OPRM1: variants seen among roughly 807,000 people sequenced by gnomAD.
OPRM1 encodes the protein opioid receptor mu 1.
OPRM1 carries 27 observed loss-of-function variants against 31.8 expected under a neutral mutation model. The ratio of observed to expected loss-of-function variants is 0.85; its 90% confidence interval spans 0.63 to 1.17. OPRM1 has a LOEUF of 1.17. Among genes scored for constraint, OPRM1 ranks in the 50% most tolerant of loss-of-function variants. OPRM1 has a pLI of 0.00. For synonymous variants in OPRM1, 196 were observed against 189.9 expected, an observed-to-expected ratio of 1.03 and a Z score of -0.26; for missense variants, 536 against 511.1, an observed-to-expected ratio of 1.05 and a Z score of -0.47.
rs138587359 is a variant in OPRM1, at chr6:154,127,673, A to C, written c.*8952A>C. On this transcript the variant is annotated 3_prime_UTR_variant, in exon 4 of 4. Transcript: ENST00000330432. Reference sequence around the variant, plus strand: ...TCTCTTCTCTCCATCATTTTGACTTAGAGCCAGTCAGAATTCAATCTCCAA... The same window carrying C: ...TCTCTTCTCTCCATCATTTTGACTTCGAGCCAGTCAGAATTCAATCTCCAA... 2.1e-3 allele frequency among the ~76,000 whole-genome samples: 327 copies of C among 152,302 alleles called. No individual in the cohort carries two copies. Among genetic ancestry groups the C allele is most frequent in the African/African-American group, 7.5e-3 (311 of 41,564 alleles).
At chr6:154,018,205 G>A (rs368326350) in intron 1 of OPRM1, among the ~76,000 whole-genome samples, 3 of 152,066 alleles carry the variant, frequency 2.0e-5, no homozygotes, top group Non-Finnish European at 2.9e-5. Context: ...GATCACTTGA[G>A]GTCAGGAGTT....
chr6:154,201,000 T>C (rs556768436), intron 3 of OPRM1, among the ~76,000 whole-genome samples: 67 of 152,298 alleles, frequency 4.4e-4, no homozygotes, highest in Non-Finnish European at 6.9e-4. Context: ...GTTCTCATGA[T>C]AGTGAGTGAG....
rs76230226 is a variant in OPRM1, at chr6:154,011,342, A to G, written c.-1+324A>G. Among the ~76,000 whole-genome samples the G allele has an allele frequency of 4.3e-4, 66 of 152,292 alleles. No individual in the cohort carries two copies. In the East Asian group the frequency reaches 0.012, roughly 27 times the overall value. On this transcript the variant is annotated intron_variant, in intron 1 of 5. Transcript: ENST00000434900. ...TTCTTAACTTTATCAGACAGTTGGC[A>G]GTTTGGACAACTTATAGAGAAATCT...
rs756777151 is a variant in OPRM1, at chr6:154,039,617, G to A, written c.73G>A (p.Ala25Thr). 2 of 1,613,898 alleles carry A rather than the reference G, an allele frequency of 1.2e-6. No homozygotes were observed. The highest frequency in any genetic ancestry group is 1.3e-5 in the African/African-American group (1 of 75,048). ...CTTGGCGTACTCAAGTTGCTCCCCA[G>A]CACCCAGCCCCGGTTCCTGGGTCAA... ...DALAYSSCSPAPSPGSWVNLS... is the reference protein window; with the variant it reads ...DALAYSSCSPTPSPGSWVNLS... Residue 25 changes from alanine (A) to threonine (T), a missense_variant, in exon 1 of 4, where the codon GCA becomes ACA. Coordinates refer to ENST00000330432, the MANE Select transcript of OPRM1 (RefSeq NM_000914.5).
At chr6:154,115,778 C>A (rs897621253) in intron 3 of OPRM1, among the ~76,000 whole-genome samples, 3 of 152,228 alleles carry the variant, frequency 2.0e-5, no homozygotes, top group African/African-American at 7.2e-5. Flanking sequence ...GAGGATTGAT[C>A]TCCACAAAGG....
chr6:154,235,993 T>A (rs567593618), intron 3 of OPRM1, among the ~76,000 whole-genome samples: 1 of 152,348 alleles, frequency 6.6e-6, no homozygotes, highest in African/African-American at 2.4e-5. Context: ...CAAAATAGCA[T>A]GGTAGCGCCT....
intron 3 of OPRM1, among the ~76,000 whole-genome samples, chr6:154,118,389 A>G (rs145494282): frequency 2.0e-5 from 3 of 152,334 alleles, no homozygotes; most frequent in African/African-American, 7.2e-5. Context: ...AAAGAGTTTC[A>G]ATTAAAATGT....
At chr6:154,071,709 G>A (rs964144543) in intron 1 of OPRM1, among the ~76,000 whole-genome samples, 2 of 152,180 alleles carry the variant, frequency 1.3e-5, no homozygotes, top group African/African-American at 4.8e-5. Flanking sequence ...TGATGAATGA[G>A]CATCAGTAAT....
intron 1 of OPRM1, among the ~76,000 whole-genome samples, chr6:154,081,474 C>G (rs1459831908): frequency 1.3e-5 from 2 of 152,028 alleles, no homozygotes; most frequent in Non-Finnish European, 2.9e-5. Context: ...CCACTGCACT[C>G]CAGCCTGGGC....
chr6:154,191,969 GA>G (rs1039230572), intron 3 of OPRM1, among the ~76,000 whole-genome samples: 21 of 149,774 alleles, frequency 1.4e-4, no homozygotes, highest in African/African-American at 2.2e-4. Context: ...GCCCACAACT[GA>G]AAAAAAAAGT....
intron 1 of OPRM1, among the ~76,000 whole-genome samples, chr6:154,020,077 G>T (rs1357016343): frequency 6.6e-6 from 1 of 151,850 alleles, no homozygotes; most frequent in Non-Finnish European, 1.5e-5. Flanking sequence ...CCCATTGTCT[G>T]GATGTACTAC....
intron 3 of OPRM1, among the ~76,000 whole-genome samples, chr6:154,221,009 C>T (rs1224876566): frequency 1.3e-5 from 2 of 152,240 alleles, no homozygotes; most frequent in Non-Finnish European, 2.9e-5. Flanking sequence ...CTTTTAATGA[C>T]TTCTGTCCAC....
intron 3 of OPRM1, among the ~76,000 whole-genome samples, chr6:154,118,212 G>A (rs1583617126): frequency 2.0e-5 from 3 of 151,954 alleles, no homozygotes; most frequent in Admixed American, 2.0e-4. Flanking sequence ...TCAGTTACAG[G>A]AAAAAAATCA....
At position 154,196,617 on chromosome 6, in the gene OPRM1, A is replaced by G. The variant is rs142582811; in HGVS notation, c.1165-50076A>G. Among the ~76,000 whole-genome samples the G allele has an allele frequency of 3.0e-3, 454 of 152,344 alleles. 1 individual carries two copies. The highest frequency in any genetic ancestry group is 0.01 in the African/African-American group (426 of 41,574). On this transcript the variant is annotated intron_variant, in intron 3 of 3. Transcript: ENST00000337049. ...ATTGTCAGCAGGTAGTGTGTGTTGT[A>G]CATATGTGACTTACTATCACACAGG...
At position 154,168,121 on chromosome 6, in the gene OPRM1, A is replaced by AG. The variant is rs1799578718; in HGVS notation, c.1164+76649_1164+76650insG. On this transcript the variant is annotated intron_variant, in intron 3 of 3. Coordinates refer to the OPRM1 transcript ENST00000337049. The surrounding 1 kb of genome is among the most constrained non-coding windows in gnomAD (Gnocchi z 4.1). ...CAGACACTTTTGTCTCTTCTATTTGAAAAAAAAAAAGAAAGCAGTAACAAT... is the reference window on the plus strand; with the variant it reads ...CAGACACTTTTGTCTCTTCTATTTGAGAAAAAAAAAAGAAAGCAGTAACAAT... 1.1e-6 allele frequency: 1 copy of AG among 930,280 alleles called. No homozygotes were observed. The highest frequency in any genetic ancestry group is 1.7e-5 in the African/African-American group (1 of 57,274). The allele number at this position is 930,280 out of a possible 1,614,324, so 57.6% of individuals were successfully genotyped here. A position where few individuals can be genotyped will look rare whatever the true frequency, so the allele number is the denominator to read the frequency against.
At chr6:154,097,253 T>C (rs1435008059) in intron 3 of OPRM1, among the ~76,000 whole-genome samples, 3 of 152,224 alleles carry the variant, frequency 2.0e-5, no homozygotes, top group Non-Finnish European at 4.4e-5. Context: ...ATTAAAGCAC[T>C]TTCTTGACAT....
intron 1 of OPRM1, among the ~76,000 whole-genome samples, chr6:154,033,614 T>A (rs985347771): frequency 4.6e-5 from 7 of 152,166 alleles, no homozygotes; most frequent in Non-Finnish European, 8.8e-5. Flanking sequence ...ACACTTTTTT[T>A]GTGAGTATTG....
rs116891804 is a variant in OPRM1 at position 154,220,167 on chromosome 6, G to A, written c.1165-26526G>A. Among the ~76,000 whole-genome samples, 28 of 152,320 alleles carry A rather than the reference G, an allele frequency of 1.8e-4. No individual in the cohort carries two copies. The East Asian group carries it at 5.4e-3, about 29-fold the overall frequency. ...AGGTTAAGCGTAAGCTCTGTGAATG[G>A]AGGAATTATGTGTGGGTTTTTCATT... On this transcript the variant is annotated intron_variant, in intron 3 of 3. Transcript: ENST00000337049.
chr6:154,154,955 T>C (rs1004287622), intron 3 of OPRM1: 16 of 152,372 alleles, frequency 1.1e-4, no homozygotes, highest in African/African-American at 3.9e-4. Context: ...AAACTCCTGG[T>C]TTCTATTTTA....
Sources: allele counts gnomAD v4.1 joint callset (sites outside exome capture counted in the v4.1 genomes callset), GRCh38; gene constraint gnomAD v4.1.1; non-coding constraint Gnocchi (gnomAD v3.1); transcripts MANE v1.5; gene names NCBI Gene and HGNC (gene_info 2026-07-23, HGNC 2026-07-21).